The following EEFSEC variants were observed in gnomAD, a reference collection of about 807,000 sequenced individuals.
EEFSEC encodes the protein selenocysteine-specific elongation factor.
Under a neutral mutation model 42.1 loss-of-function variants are expected in EEFSEC, and 43 were observed. That is an observed-to-expected ratio of 1.02 (90% CI 0.80 to 1.32). EEFSEC has a LOEUF of 1.32. EEFSEC is among the 40% of genes most tolerant of loss of function. EEFSEC has a pLI of 0.00. For synonymous variants in EEFSEC, 354 were observed against 339.1 expected, an observed-to-expected ratio of 1.04 and a Z score of -0.48; for missense variants, 745 against 803.6, an observed-to-expected ratio of 0.93 and a Z score of 0.88.
intron 4 of EEFSEC, among the ~76,000 whole-genome samples, chr3:128,265,950 AC>A (rs1301831315): frequency 9.9e-5 from 15 of 152,220 alleles, no homozygotes. Flanking sequence ...ATAAATAGAT[AC>A]GTTTTTTAAG....
At chr3:128,399,593 C>G (rs1237511215) in intron 6 of EEFSEC, among the ~76,000 whole-genome samples, 3 of 152,082 alleles carry the variant, frequency 2.0e-5, no homozygotes, top group African/African-American at 7.2e-5. Flanking sequence ...GGAGCCGGCC[C>G]CCCCCAGCCA....
chr3:128,425,091 G>A, the EEFSEC span, among the ~76,000 whole-genome samples: 12 of 152,260 alleles, frequency 7.9e-5, no homozygotes, highest in South Asian at 2.5e-3. Context: ...GTAGCTCTGT[G>A]CGTTTTGAAA....
chr3:128,293,863 G>A (rs919955773), intron 4 of EEFSEC, among the ~76,000 whole-genome samples: 6 of 152,154 alleles, frequency 3.9e-5, no homozygotes, highest in Non-Finnish European at 7.4e-5. Flanking sequence ...GTTGTTGGGA[G>A]AATTAAATGA....
chr3:128,408,369 C>A lies in EEFSEC; in HGVS notation c.*110C>A. 1 of 1,180,812 alleles carries A rather than the reference C, an allele frequency of 8.5e-7. No homozygotes were observed. The highest frequency in any genetic ancestry group is 1.2e-6 in the Non-Finnish European group (1 of 850,240). The allele number at this position is 1,180,812 out of a possible 1,614,324, so 73.1% of individuals were successfully genotyped here. Reference sequence around the variant, plus strand: ...CTCCCAGTCTCTCCCTGCAGTCCTGCAGCAGCAGCCCCCACCCCCAAGCTT... The same window carrying A: ...CTCCCAGTCTCTCCCTGCAGTCCTGAAGCAGCAGCCCCCACCCCCAAGCTT... On this transcript the variant is annotated 3_prime_UTR_variant, in exon 7 of 7. Transcript: ENST00000254730.
intron 4 of EEFSEC, among the ~76,000 whole-genome samples, chr3:128,306,338 G>A (rs1288432809): frequency 6.6e-6 from 1 of 152,040 alleles, no homozygotes; most frequent in Non-Finnish European, 1.5e-5. Flanking sequence ...TACAATTTGT[G>A]CTTTACAAAT....
rs533444022 is a variant in EEFSEC at position 128,301,027 on chromosome 3, GTAAAATTC to G, written c.786+36248_786+36255del. On this transcript the variant is annotated intron_variant, in intron 4 of 6. Coordinates refer to ENST00000254730, the MANE Select transcript of EEFSEC (RefSeq NM_021937.5). Reference sequence around the variant, plus strand: ...TCATTATAGTTAAATAGGGATAAATGTAAAATTCTTTATCCTCAAACAAGCTCCATCGA... The same window carrying G: ...TCATTATAGTTAAATAGGGATAAATGTTTATCCTCAAACAAGCTCCATCGA... Among the ~76,000 whole-genome samples, 210 of 152,234 alleles carry G rather than the reference GTAAAATTC, an allele frequency of 1.4e-3. 1 individual carries two copies. Among genetic ancestry groups the G allele is most frequent in the African/African-American group, 4.9e-3 (204 of 41,544 alleles).
chr3:128,336,512 C>T (rs1487203873), intron 4 of EEFSEC, among the ~76,000 whole-genome samples: 2 of 152,148 alleles, frequency 1.3e-5, no homozygotes, highest in Non-Finnish European at 2.9e-5. Flanking sequence ...ATGTCTCCAA[C>T]CTGCTGCCTC....
chr3:128,163,769 A>G, intron 1 of EEFSEC, among the ~76,000 whole-genome samples: 1 of 152,070 alleles, frequency 6.6e-6, no homozygotes, highest in African/African-American at 2.4e-5. Flanking sequence ...CCGGTCCTGG[A>G]CATTTCATAT....
intron 1 of EEFSEC, among the ~76,000 whole-genome samples, chr3:128,185,314 TTAA>T (rs1181855126): frequency 4.1e-5 from 6 of 147,830 alleles, no homozygotes; most frequent in Non-Finnish European, 9.3e-5. Flanking sequence ...ATTTTATAAC[TTAA>T]TATTATGAAG....
intron 4 of EEFSEC, among the ~76,000 whole-genome samples, chr3:128,329,706 T>A (rs1328446518): frequency 1.3e-5 from 2 of 151,836 alleles, no homozygotes; most frequent in Non-Finnish European, 2.9e-5. Flanking sequence ...TGCTGAGGAG[T>A]GCTCAGGAGC....
chr3:128,160,684 AT>A (rs2065175286), intron 1 of EEFSEC, among the ~76,000 whole-genome samples: 1 of 152,130 alleles, frequency 6.6e-6, no homozygotes, highest in Non-Finnish European at 1.5e-5. Context: ...CCTGTGGAAT[AT>A]GTTATTCCCA....
At chr3:128,299,768 A>G (rs1035554405) in intron 4 of EEFSEC, among the ~76,000 whole-genome samples, 7 of 152,200 alleles carry the variant, frequency 4.6e-5, no homozygotes, top group Non-Finnish European at 1.0e-4. Flanking sequence ...ATTATAAGTA[A>G]TACCTGCTCC....
At chr3:128,343,479 C>T (rs917134938) in intron 5 of EEFSEC, among the ~76,000 whole-genome samples, 1 of 152,152 alleles carries the variant, frequency 6.6e-6, no homozygotes, top group African/African-American at 2.4e-5. Context: ...GGGGCCTGCT[C>T]AGGGCTCCAT....
At chr3:128,224,382 A>G (rs1025367666) in intron 1 of EEFSEC, among the ~76,000 whole-genome samples, 2 of 152,232 alleles carry the variant, frequency 1.3e-5, no homozygotes, top group African/African-American at 4.8e-5. Context: ...TTAATTCTGT[A>G]TTCAAATGGT....
chr3:128,153,704 C>G lies in EEFSEC; in HGVS notation c.197C>G (p.Ser66Trp), dbSNP rs1002418646. ...FSVPLPARLR[S>W]SLPEFQAAPE... is the part of the protein sequence containing the mutation. ...GTGCCGCTGCCCGCGCGCCTGCGGT[C>G]GTCTTTGCCCGAGTTCCAGGCAGCG... Residue 66 changes from serine to tryptophan, a missense_variant, in exon 1 of 7, where the codon TCG (serine) becomes TGG (tryptophan). Coordinates refer to ENST00000254730, the MANE Select transcript of EEFSEC (RefSeq NM_021937.5). 1 of 1,587,944 alleles carries G rather than the reference C, an allele frequency of 6.3e-7. No individual in the cohort carries two copies. Among genetic ancestry groups the G allele is most frequent in the Non-Finnish European group, 8.5e-7 (1 of 1,175,378 alleles).
intron 1 of EEFSEC, 123 bp from the exon 2 acceptor site, chr3:128,246,713 G>A (rs1284291902): frequency 6.9e-6 from 7 of 1,007,334 alleles, no homozygotes; most frequent in Non-Finnish European, 7.6e-6. Flanking sequence ...CAGAAGCTGT[G>A]TAGTCACCAT....
chr3:128,209,024 C>A (rs1024148555), intron 1 of EEFSEC, among the ~76,000 whole-genome samples: 1 of 152,154 alleles, frequency 6.6e-6, no homozygotes, highest in African/African-American at 2.4e-5. Context: ...AGGATAAGTT[C>A]AGAGTAGAAT....
the EEFSEC span, among the ~76,000 whole-genome samples, chr3:128,416,898 T>C: frequency 1.3e-5 from 2 of 152,114 alleles, no homozygotes; most frequent in Non-Finnish European, 2.9e-5. Flanking sequence ...CCCTGTGTCA[T>C]GGGAGGCCAC....
chr3:128,189,125 C>T (rs935151649), intron 1 of EEFSEC, among the ~76,000 whole-genome samples: 1 of 152,228 alleles, frequency 6.6e-6, no homozygotes, highest in African/African-American at 2.4e-5. Flanking sequence ...GAATCATCTG[C>T]TGAGCAAGTC....
Sources: allele counts gnomAD v4.1 joint callset (sites outside exome capture counted in the v4.1 genomes callset), GRCh38; gene constraint gnomAD v4.1.1; transcripts MANE v1.5; gene names NCBI Gene and HGNC (gene_info 2026-07-23, HGNC 2026-07-21).